MINDY2: variants seen among roughly 807,000 people sequenced by gnomAD.
The protein encoded by MINDY2 is MINDY lysine 48 deubiquitinase 2.
Under a neutral mutation model 68.2 loss-of-function variants are expected in MINDY2, and 52 were observed. The observed-to-expected ratio is 0.76, with a 90% confidence interval of 0.61 to 0.96. The LOEUF is 0.96. MINDY2 is among the 40% of genes least tolerant of loss of function. MINDY2 has a pLI of 0.00. For synonymous variants in MINDY2, 372 were observed against 303.0 expected, an observed-to-expected ratio of 1.23 and a Z score of -2.36; for missense variants, 881 against 773.4, an observed-to-expected ratio of 1.14 and a Z score of -1.65.
At chr15:58,835,467 A>G (rs1000877307) in intron 6 of MINDY2, among the ~76,000 whole-genome samples, 10 of 152,158 alleles carry the variant, frequency 6.6e-5, no homozygotes, top group African/African-American at 2.4e-4. Context: ...AGCCTGGCCA[A>G]CATGGTGAAA....
At position 58,861,091 on chromosome 15, in the gene MINDY2, C is replaced by G. The variant is rs889034796; in HGVS notation, c.*6481C>G. 2.6e-5 allele frequency: 4 copies of G among 152,158 alleles called. No homozygotes were observed. Among genetic ancestry groups the G allele is most frequent in the African/African-American group, 9.7e-5 (4 of 41,434 alleles). The allele number at this position is 152,158 out of a possible 1,614,324, so 9.4% of individuals were successfully genotyped here. The stretch of plus-strand genomic sequence containing the variant: ...TCAGAGGTACCCTGAAAGTCATTTC[C>G]TAAAGCTAGTGCGTGTGAATCTTTT... On this transcript the variant is annotated 3_prime_UTR_variant, in exon 9 of 9. Transcript: ENST00000559228.
intron 8 of MINDY2, among the ~76,000 whole-genome samples, chr15:58,852,801 GTAGT>G (rs1271346616): frequency 6.6e-6 from 1 of 151,728 alleles, no homozygotes; most frequent in Non-Finnish European, 1.5e-5. Flanking sequence ...TTCACTTTCT[GTAGT>G]TAAACGGTTT....
chr15:58,817,256 A>G (rs1468548653), intron 4 of MINDY2, among the ~76,000 whole-genome samples: 1 of 152,200 alleles, frequency 6.6e-6, no homozygotes, highest in East Asian at 1.9e-4. Flanking sequence ...GCTCCTACAG[A>G]TAATTTTTTA....
At chr15:58,820,058 G>A (rs2030960000) in intron 4 of MINDY2, among the ~76,000 whole-genome samples, 1 of 152,128 alleles carries the variant, frequency 6.6e-6, no homozygotes, top group Non-Finnish European at 1.5e-5. Flanking sequence ...TTGAGGTCAG[G>A]AGTTCAAGAC....
chr15:58,780,548 C>G (rs1901068509), intron 1 of MINDY2, among the ~76,000 whole-genome samples: 1 of 152,148 alleles, frequency 6.6e-6, no homozygotes, highest in African/African-American at 2.4e-5. Context: ...GTCTGGTGGA[C>G]AGTAGGTCTG....
At position 58,861,762 on chromosome 15, in the gene MINDY2, C is replaced by G. The variant is rs1255013292; in HGVS notation, c.*7152C>G. The G allele has an allele frequency of 6.6e-6, 1 of 152,094 alleles. No homozygotes were observed. The highest frequency in any genetic ancestry group is 1.5e-5 in the Non-Finnish European group (1 of 68,036). The allele number at this position is 152,094 out of a possible 1,614,324, so 9.4% of individuals were successfully genotyped here. On this transcript the variant is annotated 3_prime_UTR_variant, in exon 9 of 9. Coordinates refer to ENST00000559228, the MANE Select transcript of MINDY2 (RefSeq NM_001040450.3). ...TACTTTCATGTTTGTTATTGTACCA[C>G]AAAGATAGTGTCATTGTTGGGTTAA... is the stretch of plus-strand genomic sequence containing the variant.
chr15:58,811,108 C>T (rs1479797363), intron 4 of MINDY2, among the ~76,000 whole-genome samples: 1 of 152,218 alleles, frequency 6.6e-6, no homozygotes, highest in Non-Finnish European at 1.5e-5. Flanking sequence ...ATAAATAACA[C>T]AGTCACTCCT....
intron 5 of MINDY2, among the ~76,000 whole-genome samples, chr15:58,827,009 T>G (rs2031437390): frequency 2.6e-5 from 4 of 152,200 alleles, no homozygotes; most frequent in Non-Finnish European, 5.9e-5. Flanking sequence ...CACAGAATAT[T>G]CCTCAATTTG....
intron 3 of MINDY2, among the ~76,000 whole-genome samples, chr15:58,805,991 T>G (rs1840276183): frequency 1.3e-5 from 2 of 152,174 alleles, no homozygotes; most frequent in African/African-American, 4.8e-5. Context: ...GATGGAACCC[T>G]TGAACCCAGG....
In MINDY2 at chr15:58,861,158, G is replaced by A. The variant is rs2033208778; in HGVS notation, c.*6548G>A. 1 of 152,188 alleles carries A rather than the reference G, an allele frequency of 6.6e-6. No individual in the cohort carries two copies. Among genetic ancestry groups the A allele is most frequent in the African/African-American group, 2.4e-5 (1 of 41,442 alleles). The allele number at this position is 152,188 out of a possible 1,614,324, so 9.4% of individuals were successfully genotyped here. A position where few individuals can be genotyped will look rare whatever the true frequency, so the allele number is the denominator to read the frequency against. ...ATAATTGGATTGAGGCACATATTTTGAGGAGTAGCAAGTGGAATGGTATAA... is the reference window on the plus strand; with the variant it reads ...ATAATTGGATTGAGGCACATATTTTAAGGAGTAGCAAGTGGAATGGTATAA... On this transcript the variant is annotated 3_prime_UTR_variant, in exon 9 of 9. Transcript: ENST00000559228.
intron 2 of MINDY2, 27 bp downstream of exon 2, chr15:58,787,990 T>C: frequency 1.3e-6 from 2 of 1,534,876 alleles, no homozygotes; most frequent in Non-Finnish European, 1.8e-6. Context: ...GGATTTTATA[T>C]CTCTTTCAAA....
At chr15:58,848,244 A>AT (rs1431258194) in intron 7 of MINDY2, among the ~76,000 whole-genome samples, 1 of 152,154 alleles carries the variant, frequency 6.6e-6, no homozygotes, top group Non-Finnish European at 1.5e-5. Context: ...ACTCATAACA[A>AT]TTTAAGTGCA....
intron 2 of MINDY2, among the ~76,000 whole-genome samples, chr15:58,795,278 G>T (rs1902206060): frequency 6.6e-6 from 1 of 152,222 alleles, no homozygotes; most frequent in Admixed American, 6.5e-5. Flanking sequence ...AGCATGCAGA[G>T]ATTAGGTGGA....
rs57744714 is a variant in MINDY2 at position 58,855,919 on chromosome 15, C to CA, written c.*1321dup. 425 of 129,624 alleles carry CA rather than the reference C, an allele frequency of 3.3e-3. 2 individuals carry two copies. Among genetic ancestry groups the CA allele is most frequent in the African/African-American group, 9.9e-3 (347 of 35,098 alleles). 8.0% of individuals were successfully genotyped at this position (129,624 alleles called of 1,614,324 possible). A position where few individuals can be genotyped will look rare whatever the true frequency, so the allele number is the denominator to read the frequency against. On this transcript the variant is annotated 3_prime_UTR_variant, in exon 9 of 9. Transcript: ENST00000559228. The stretch of plus-strand genomic sequence containing the variant: ...TGGGTGACAGAGGGAGACTCCGTCT[C>CA]AAAAAAAAAAAAGTCTGAGAGTAGC...
intron 3 of MINDY2, among the ~76,000 whole-genome samples, chr15:58,803,460 C>CT (rs1246699917): frequency 6.8e-6 from 1 of 146,612 alleles, no homozygotes; most frequent in Non-Finnish European, 1.5e-5. Context: ...GAGCAAGACT[C>CT]TGTCTCATAA....
intron 3 of MINDY2, among the ~76,000 whole-genome samples, chr15:58,802,609 A>T (rs1386979935): frequency 1.3e-5 from 2 of 151,078 alleles, no homozygotes; most frequent in Non-Finnish European, 3.0e-5. Flanking sequence ...TTTTTTTCTC[A>T]TTTTTTTCTC....
chr15:58,847,490 T>C lies in MINDY2; in HGVS notation c.1542+20T>C, dbSNP rs777797619. ...GATCAGGTAAATTTGTATTGTCGTC[T>C]TTATAGTGGTTAAAATGCTGATTTT... On this transcript the variant is annotated intron_variant, in intron 7 of 8. Coordinates refer to ENST00000559228, the MANE Select transcript of MINDY2 (RefSeq NM_001040450.3). 4.0e-6 allele frequency: 6 copies of C among 1,498,142 alleles called. No individual in the cohort carries two copies. In the Admixed American group the frequency reaches 1.2e-4, roughly 29 times the overall value. 92.8% of individuals were successfully genotyped at this position (1,498,142 alleles called of 1,614,324 possible).
chr15:58,772,009 AG>A lies in MINDY2; in HGVS notation c.616del (p.Glu206ArgfsTer76). 6.3e-7 allele frequency: 1 copy of A among 1,594,794 alleles called. No individual in the cohort carries two copies. The highest frequency in any genetic ancestry group is 8.5e-7 in the Non-Finnish European group (1 of 1,171,000). ...EGAENRVPEE[E>X]EGAAVLPGAV... ...GCGGAGAACAGGGTCCCTGAGGAGG[AG>A]GAGGGCGCGGCGGTGTTGCCCGGGG... On this transcript the variant is annotated frameshift_variant, in exon 1 of 9. Coordinates refer to ENST00000559228, the MANE Select transcript of MINDY2 (RefSeq NM_001040450.3). LOFTEE classifies it high-confidence loss of function.
chr15:58,794,355 T>TGGGG lies in MINDY2; in HGVS notation c.898+6393_898+6396dup, dbSNP rs202127103. ...GATAAAGTAGAATAAAAGTTTTTTTTGGGGTGTGTGTGTGTGTGTGTGTGT... is the reference window on the plus strand; with the variant it reads ...GATAAAGTAGAATAAAAGTTTTTTTTGGGGGGGGTGTGTGTGTGTGTGTGTGTGT... On this transcript the variant is annotated intron_variant, in intron 2 of 8. Coordinates refer to ENST00000559228, the MANE Select transcript of MINDY2 (RefSeq NM_001040450.3). 3.0e-5 allele frequency among the ~76,000 whole-genome samples: 3 copies of TGGGG among 100,612 alleles called. No individual in the cohort carries two copies. In the Admixed American group the frequency reaches 4.0e-4, roughly 13 times the overall value. The allele number at this position is 100,612 out of a possible 152,430, so 66.0% of individuals were successfully genotyped here. A position where few individuals can be genotyped will look rare whatever the true frequency, so the allele number is the denominator to read the frequency against.
Sources: allele counts gnomAD v4.1 joint callset (sites outside exome capture counted in the v4.1 genomes callset), GRCh38; gene constraint gnomAD v4.1.1; transcripts MANE v1.5; gene names NCBI Gene and HGNC (gene_info 2026-07-23, HGNC 2026-07-21).